Variants in LONP2 observed in about 807,000 individuals in gnomAD.
The protein encoded by LONP2 is lon protease homolog 2, peroxisomal.
A neutral mutation model predicts 85.6 loss-of-function variants in LONP2; 60 were observed. That is an observed-to-expected ratio of 0.70 (90% confidence interval 0.57 to 0.87). The LOEUF (loss-of-function observed/expected upper bound fraction) is 0.87. LONP2 is among the 40% of genes least tolerant of loss of function. The probability of loss-of-function intolerance (pLI) is 0.00; values close to 1 mark genes in which losing one functional copy is unlikely to be tolerated. For missense variants in LONP2, 860 were observed against 1,063.5 expected (o/e 0.81, Z 2.66); for synonymous variants, 395 against 389.7 (o/e 1.01, Z -0.16).
chr16:48,266,625 G>A (rs957989738), intron 6 of LONP2, among the ~76,000 whole-genome samples: 2 of 151,552 alleles, frequency 1.3e-5, no homozygotes, highest in Non-Finnish European at 2.9e-5. Flanking sequence ...CCTTTTTTCT[G>A]GCTTCTTTAA....
intron 11 of LONP2, among the ~76,000 whole-genome samples, chr16:48,329,257 G>A (rs115168827): frequency 2.6e-5 from 4 of 152,124 alleles, no homozygotes; most frequent in Non-Finnish European, 4.4e-5. Flanking sequence ...TAATCCACTC[G>A]TAAGTTTTAA....
At chr16:48,298,516 A>G (rs1391630656) in intron 9 of LONP2, among the ~76,000 whole-genome samples, 1 of 152,014 alleles carries the variant, frequency 6.6e-6, no homozygotes, top group East Asian at 1.9e-4. Context: ...AAAACCTTTT[A>G]TATGGACATC....
Position 48,354,795 on chromosome 16 carries a change from G to T in LONP2, c.*2993G>T, listed in dbSNP as rs984305348. On this transcript the variant is annotated 3_prime_UTR_variant, in exon 15 of 15. Coordinates refer to ENST00000285737, the MANE Select transcript of LONP2 (RefSeq NM_031490.5). ...CTCTTTTTCTTCAAAATAATGGGGT[G>T]CAGAAGGGTAGGGATGAACCTCTTC... 5.9e-5 allele frequency: 9 copies of T among 152,198 alleles called. No homozygotes were observed. Among genetic ancestry groups the T allele is most frequent in the African/African-American group, 2.2e-4 (9 of 41,444 alleles). The allele number at this position is 152,198 out of a possible 1,614,324, so 9.4% of individuals were successfully genotyped here. A position where few individuals can be genotyped will look rare whatever the true frequency, so the allele number is the denominator to read the frequency against.
At chr16:48,329,256 C>G (rs1246608848) in intron 11 of LONP2, among the ~76,000 whole-genome samples, 3 of 152,150 alleles carry the variant, frequency 2.0e-5, no homozygotes, top group Non-Finnish European at 4.4e-5. Flanking sequence ...ATAATCCACT[C>G]GTAAGTTTTA....
intron 6 of LONP2, among the ~76,000 whole-genome samples, chr16:48,266,939 A>C (rs1972002535): frequency 6.6e-6 from 1 of 152,096 alleles, no homozygotes; most frequent in African/African-American, 2.4e-5. Flanking sequence ...TAAAAAAATA[A>C]AATAATAAAT....
intron 11 of LONP2, among the ~76,000 whole-genome samples, chr16:48,332,443 G>C (rs1293115500): frequency 1.3e-5 from 2 of 152,168 alleles, no homozygotes; most frequent in Non-Finnish European, 2.9e-5. Flanking sequence ...CAGGCTCAGT[G>C]GCTCACACCT....
At chr16:48,329,744 CGTT>C (rs1212163561) in intron 11 of LONP2, among the ~76,000 whole-genome samples, 3 of 152,132 alleles carry the variant, frequency 2.0e-5, no homozygotes, top group African/African-American at 7.2e-5. Flanking sequence ...CTCAGTTTAA[CGTT>C]GTTTTGAAAG....
chr16:48,271,560 G>A (rs891109727), intron 7 of LONP2, among the ~76,000 whole-genome samples: 11 of 151,796 alleles, frequency 7.2e-5, no homozygotes, highest in African/African-American at 2.7e-4. Context: ...TCTTTTATTT[G>A]CTCACTTAAA....
intron 9 of LONP2, among the ~76,000 whole-genome samples, chr16:48,299,039 C>T (rs558064064): frequency 6.6e-6 from 1 of 151,548 alleles, no homozygotes; most frequent in African/African-American, 2.4e-5. Flanking sequence ...TACAGACATG[C>T]GCAACCATGC....
In LONP2 at chr16:48,334,721, A is replaced by C. The variant is rs375355406; in HGVS notation, c.1938+363A>C. On this transcript the variant is annotated intron_variant, in intron 12 of 14. Transcript: ENST00000285737. ...GCCATCCTTCAGCTGTTTGCCCTCA[A>C]ATATCAGACACTGCTGGTCAGGTAA... The C allele has an allele frequency of 3.7e-5, 20 of 546,812 alleles. No homozygotes were observed. The East Asian group carries it at 6.5e-4, about 18-fold the overall frequency. 33.9% of individuals were successfully genotyped at this position (546,812 alleles called of 1,614,324 possible). A position where few individuals can be genotyped will look rare whatever the true frequency, so the allele number is the denominator to read the frequency against.
chr16:48,320,898 A>G (rs972181340), intron 11 of LONP2, among the ~76,000 whole-genome samples: 3 of 152,224 alleles, frequency 2.0e-5, no homozygotes, highest in Non-Finnish European at 4.4e-5. Flanking sequence ...TTATCAAATA[A>G]TTATAAAGTC....
At chr16:48,266,786 T>C (rs932029116) in intron 6 of LONP2, among the ~76,000 whole-genome samples, 7 of 152,108 alleles carry the variant, frequency 4.6e-5, no homozygotes, top group Non-Finnish European at 1.0e-4. Flanking sequence ...GTTTTCAGTT[T>C]TTTGGCTATT....
At chr16:48,325,529 T>C (rs1973352108) in intron 11 of LONP2, among the ~76,000 whole-genome samples, 1 of 152,234 alleles carries the variant, frequency 6.6e-6, no homozygotes, top group Non-Finnish European at 1.5e-5. Context: ...TTTTGGTGCC[T>C]GGCTAATTTC....
Position 48,352,043 on chromosome 16 carries a change from A to G in LONP2, c.*241A>G, listed in dbSNP as rs371898453. On this transcript the variant is annotated 3_prime_UTR_variant, in exon 15 of 15. Coordinates refer to ENST00000285737, the MANE Select transcript of LONP2 (RefSeq NM_031490.5). ...TGGGATCCTTACTGTCCCTGGAAAG[A>G]TATAGCATAGTGGTTCTCAGCACAG... is the stretch of plus-strand genomic sequence containing the variant. 51 of 527,856 alleles carry G rather than the reference A, an allele frequency of 9.7e-5. No individual in the cohort carries two copies. In the South Asian group the frequency reaches 1.1e-3, roughly 12 times the overall value. 32.7% of individuals were successfully genotyped at this position (527,856 alleles called of 1,614,324 possible).
At position 48,356,635 on chromosome 16, in the gene LONP2, A is replaced by T. The variant is rs978170385; in HGVS notation, c.*4833A>T. On this transcript the variant is annotated 3_prime_UTR_variant, in exon 15 of 15. Coordinates refer to ENST00000285737, the MANE Select transcript of LONP2 (RefSeq NM_031490.5). Reference sequence around the variant, plus strand: ...ACATTTGGTGGATACCACAATGAAAACTGCACTTAAAAAACAAAAATGCTG... The same window carrying T: ...ACATTTGGTGGATACCACAATGAAATCTGCACTTAAAAAACAAAAATGCTG... The T allele has an allele frequency of 2.8e-6, 1 of 352,218 alleles. No individual in the cohort carries two copies. The highest frequency in any genetic ancestry group is 5.7e-6 in the Non-Finnish European group (1 of 174,518). The allele number at this position is 352,218 out of a possible 1,614,324, so 21.8% of individuals were successfully genotyped here. A position where few individuals can be genotyped will look rare whatever the true frequency, so the allele number is the denominator to read the frequency against.
intron 4 of LONP2, among the ~76,000 whole-genome samples, chr16:48,260,720 G>T (rs1322999444): frequency 6.6e-6 from 1 of 152,162 alleles, no homozygotes; most frequent in Non-Finnish European, 1.5e-5. Flanking sequence ...ATGATAGAGA[G>T]ATCATAGAGA....
At chr16:48,360,229 C>T (rs1461668785), downstream of LONP2, among the ~76,000 whole-genome samples, 1 of 152,066 alleles carries the variant, frequency 6.6e-6, no homozygotes, top group Non-Finnish European at 1.5e-5. Flanking sequence ...GGCTCTTAGC[C>T]ACTAGGCTAT....
chr16:48,275,465 T>C (rs1972187983), intron 7 of LONP2, among the ~76,000 whole-genome samples: 1 of 152,112 alleles, frequency 6.6e-6, no homozygotes. Context: ...AGGAGGTTAT[T>C]ATACCCATGA....
intron 1 of LONP2, among the ~76,000 whole-genome samples, chr16:48,249,516 C>T (rs1971570478): frequency 6.6e-6 from 1 of 152,148 alleles, no homozygotes; most frequent in South Asian, 2.1e-4. Flanking sequence ...GCTTTTCACC[C>T]ACAGTGTCTC....
Sources: allele counts gnomAD v4.1 joint callset (sites outside exome capture counted in the v4.1 genomes callset), GRCh38; gene constraint gnomAD v4.1.1; transcripts MANE v1.5; gene names NCBI Gene and HGNC (gene_info 2026-07-23, HGNC 2026-07-21).